Variants in GALNT17 observed in about 807,000 individuals in gnomAD.
GALNT17 encodes UDP-GalNAc:polypeptide N-acetylgalactosaminyltransferase-like 3.
Under a neutral mutation model 63.7 loss-of-function variants are expected in GALNT17, and 29 were observed. That is an observed-to-expected ratio of 0.46 (90% CI 0.34 to 0.62). The LOEUF (loss-of-function observed/expected upper bound fraction) is 0.62, where lower values mean the gene tolerates loss of function less well. GALNT17 is among the 20% of genes least tolerant of loss of function. The probability of loss-of-function intolerance (pLI) is 0.01; values close to 1 mark genes in which losing one functional copy is unlikely to be tolerated. For missense variants in GALNT17, 603 were observed against 799.6 expected, an observed-to-expected ratio of 0.75 and a Z score of 2.97; for synonymous variants, 305 against 318.3, an observed-to-expected ratio of 0.96 and a Z score of 0.45.
At chr7:71,531,046 C>CTTTAT (rs60827355) in intron 5 of GALNT17, among the ~76,000 whole-genome samples, 41,706 of 151,782 alleles carry the variant, frequency 0.27, 6,145 homozygotes, top group African/African-American at 0.39. Flanking sequence ...CTCACTGAAT[C>CTTTAT]TTTATTTTAA....
intron 1 of GALNT17, among the ~76,000 whole-genome samples, chr7:71,149,096 T>G (rs1176184074): frequency 6.6e-6 from 1 of 151,680 alleles, no homozygotes; most frequent in Non-Finnish European, 1.5e-5. Context: ...ATAAACTATC[T>G]TTTTCTGGAG....
intron 1 of GALNT17, among the ~76,000 whole-genome samples, chr7:71,176,907 T>C (rs754190489): frequency 7.9e-5 from 12 of 152,196 alleles, no homozygotes; most frequent in Admixed American, 2.0e-4. Context: ...AATTTGAATG[T>C]GCATTAAATG....
At chr7:71,458,302 G>T (rs781343677) in intron 5 of GALNT17, among the ~76,000 whole-genome samples, 3 of 152,190 alleles carry the variant, frequency 2.0e-5, no homozygotes, top group Non-Finnish European at 4.4e-5. Flanking sequence ...CCCCTTGCAG[G>T]ATGTGCTGCA....
intron 5 of GALNT17, among the ~76,000 whole-genome samples, chr7:71,527,019 T>G (rs1254037835): frequency 6.6e-6 from 1 of 152,232 alleles, no homozygotes; most frequent in Non-Finnish European, 1.5e-5. Flanking sequence ...CACCAGTCTC[T>G]GAGCTCTCTT....
intron 5 of GALNT17, among the ~76,000 whole-genome samples, chr7:71,436,049 T>C (rs1786957378): frequency 6.7e-6 from 1 of 149,704 alleles, no homozygotes; most frequent in African/African-American, 2.4e-5. Flanking sequence ...AAAACAACTC[T>C]GATCCCCGAA....
intron 5 of GALNT17, among the ~76,000 whole-genome samples, chr7:71,539,346 ATG>A (rs1788850400): frequency 6.6e-6 from 1 of 152,008 alleles, no homozygotes; most frequent in African/African-American, 2.4e-5. Context: ...AAAAATAGAA[ATG>A]TGTTTATTGT....
chr7:71,326,272 A>C (rs1330898282), intron 1 of GALNT17, among the ~76,000 whole-genome samples: 1 of 152,188 alleles, frequency 6.6e-6, no homozygotes, highest in Non-Finnish European at 1.5e-5. Context: ...TGCTTGGGCA[A>C]CATAGGGAGA....
intron 1 of GALNT17, among the ~76,000 whole-genome samples, chr7:71,313,810 C>T (rs1353629267): frequency 6.6e-6 from 1 of 152,100 alleles, no homozygotes; most frequent in Non-Finnish European, 1.5e-5. Context: ...CACTGGAGTC[C>T]TTCCAGAGTA....
rs551475111 is a variant in GALNT17 at position 71,606,640 on chromosome 7, T to C, written c.1080+35238T>C. The stretch of plus-strand genomic sequence containing the variant: ...TACCCACCTTCATCATCCTCTGTTC[T>C]CCTAGTATATAAACAGGCCTGTGAT... On this transcript the variant is annotated intron_variant, in intron 6 of 10. Coordinates refer to ENST00000333538, the MANE Select transcript of GALNT17 (RefSeq NM_022479.3). 1.1e-4 allele frequency among the ~76,000 whole-genome samples: 16 copies of C among 152,292 alleles called. 1 individual carries two copies. The highest frequency in any genetic ancestry group is 3.4e-3 in the Middle Eastern group (1 of 294).
chr7:71,700,585 G>A (rs1791617094), intron 9 of GALNT17, among the ~76,000 whole-genome samples: 1 of 152,084 alleles, frequency 6.6e-6, no homozygotes, highest in Admixed American at 6.6e-5. Flanking sequence ...CTCCATCATG[G>A]TGAAAGCTAT....
chr7:71,522,961 G>A (rs1007541829), intron 5 of GALNT17, among the ~76,000 whole-genome samples: 2 of 152,156 alleles, frequency 1.3e-5, no homozygotes, highest in Non-Finnish European at 1.5e-5. Context: ...ATCCCAGGAT[G>A]TCGGGAGGTG....
At chr7:71,325,393 A>G (rs1791687656) in intron 1 of GALNT17, among the ~76,000 whole-genome samples, 1 of 152,160 alleles carries the variant, frequency 6.6e-6, no homozygotes, top group African/African-American at 2.4e-5. Context: ...GATTTACTGC[A>G]TGCTGGGCTG....
chr7:71,140,178 G>T (rs184576174), intron 1 of GALNT17, among the ~76,000 whole-genome samples: 36 of 152,322 alleles, frequency 2.4e-4, no homozygotes, highest in South Asian at 4.1e-4. Flanking sequence ...GGGCACATGT[G>T]CATATTAAAA....
chr7:71,351,326 G>C (rs750146241), intron 2 of GALNT17, among the ~76,000 whole-genome samples: 4 of 152,110 alleles, frequency 2.6e-5, no homozygotes, highest in African/African-American at 4.8e-5. Flanking sequence ...TAGCATGTGG[G>C]ATTGTGGGCA....
At chr7:71,239,699 G>C (rs939893030) in intron 1 of GALNT17, among the ~76,000 whole-genome samples, 2 of 152,116 alleles carry the variant, frequency 1.3e-5, no homozygotes, top group African/African-American at 4.8e-5. Context: ...GCAGAGCTTG[G>C]GATTGTTTTT....
rs568536302 is a variant in GALNT17 at position 71,531,369 on chromosome 7, A to G, written c.963-39916A>G. Reference sequence around the variant, plus strand: ...CCCCTTAGCAAATATTCAATTATACATACAATATTATTAACTATAGGCGCT... The same window carrying G: ...CCCCTTAGCAAATATTCAATTATACGTACAATATTATTAACTATAGGCGCT... On this transcript the variant is annotated intron_variant, in intron 5 of 10. Transcript: ENST00000333538. Among the ~76,000 whole-genome samples, 8 of 152,288 alleles carry G rather than the reference A, an allele frequency of 5.3e-5. No individual in the cohort carries two copies. In the East Asian group the frequency reaches 9.7e-4, roughly 18 times the overall value.
chr7:71,448,488 CTG>C (rs1394658768), intron 5 of GALNT17, among the ~76,000 whole-genome samples: 1 of 151,794 alleles, frequency 6.6e-6, no homozygotes, highest in Non-Finnish European at 1.5e-5. Flanking sequence ...TATCTTTTGT[CTG>C]TATTTCTGGG....
intron 1 of GALNT17, among the ~76,000 whole-genome samples, chr7:71,169,276 G>A (rs529787056): frequency 6.6e-6 from 1 of 152,204 alleles, no homozygotes; most frequent in Non-Finnish European, 1.5e-5. Flanking sequence ...CTCAGCTCAG[G>A]GAGTCCGCCA....
rs1790295531 is a variant in GALNT17, at chr7:71,621,564, T to TGGATGGATGGAA, written c.1081-43836_1081-43835insAGGATGGATGGA. Among the ~76,000 whole-genome samples, 8 of 151,564 alleles carry TGGATGGATGGAA rather than the reference T, an allele frequency of 5.3e-5. 1 individual carries two copies. Among genetic ancestry groups the TGGATGGATGGAA allele is most frequent in the Admixed American group, 5.3e-4 (8 of 15,190 alleles). On this transcript the variant is annotated intron_variant, in intron 6 of 10. Transcript: ENST00000333538. Reference sequence around the variant, plus strand: ...ATGGATTGATGGATAGATGGATGGATGGATGGATGGATGGATGGATGGATG... The same window carrying TGGATGGATGGAA: ...ATGGATTGATGGATAGATGGATGGATGGATGGATGGAAGGATGGATGGATGGATGGATGGATG...
Sources: allele counts gnomAD v4.1 joint callset (sites outside exome capture counted in the v4.1 genomes callset), GRCh38; gene constraint gnomAD v4.1.1; transcripts MANE v1.5; gene names NCBI Gene and HGNC (gene_info 2026-07-23, HGNC 2026-07-21).